Variants in SDCCAG8 observed in about 807,000 individuals in gnomAD.
SDCCAG8 encodes the protein SHH signaling and ciliogenesis regulator SDCCAG8, also known as serologically defined colon cancer antigen 8.
In SDCCAG8, 74 loss-of-function variants were observed where a neutral mutation model predicts 101.8. The ratio of observed to expected loss-of-function variants is 0.73; its 90% confidence interval spans 0.60 to 0.88. The LOEUF is 0.88. Ranked by LOEUF, SDCCAG8 falls within the 40% of genes least tolerant of loss-of-function variation. The pLI, the probability that SDCCAG8 is intolerant of heterozygous loss-of-function variation, is 0.00. For synonymous variants in SDCCAG8, 281 were observed against 292.9 expected (o/e 0.96, Z 0.41); for missense variants, 787 against 822.6 (o/e 0.96, Z 0.53).
chr1:243,295,548 C>T (rs1337298751), intron 6 of SDCCAG8, among the ~76,000 whole-genome samples: 2 of 152,108 alleles, frequency 1.3e-5, no homozygotes, highest in Admixed American at 6.6e-5. Context: ...ACTCTTCTCC[C>T]GTCACTCTTA....
At chr1:243,452,981 G>A (rs970074874) in intron 16 of SDCCAG8, among the ~76,000 whole-genome samples, 3 of 152,168 alleles carry the variant, frequency 2.0e-5, no homozygotes, top group East Asian at 1.9e-4. Flanking sequence ...GACTTCATCC[G>A]TCTTGTTCAT....
intron 4 of SDCCAG8, among the ~76,000 whole-genome samples, chr1:243,281,474 CT>C (rs780597039): frequency 6.6e-6 from 1 of 150,742 alleles, no homozygotes; most frequent in Non-Finnish European, 1.5e-5. Flanking sequence ...GTTTATTGTT[CT>C]TTTTTTTAAC....
intron 8 of SDCCAG8, among the ~76,000 whole-genome samples, chr1:243,309,113 T>G (rs2072458850): frequency 6.6e-6 from 1 of 152,228 alleles, no homozygotes; most frequent in South Asian, 2.1e-4. Flanking sequence ...TTCTGTTGTT[T>G]GGAGGAAAAT....
At chr1:243,294,506 C>CGAGAGAGAGAGAGAGAGAGAGAAA in intron 6 of SDCCAG8, among the ~76,000 whole-genome samples, 1 of 105,934 alleles carries the variant, frequency 9.4e-6, no homozygotes, top group East Asian at 3.7e-4. Context: ...AGAGAAAGAG[C>CGAGAGAGAGAGAGAGAGAGAGAAA]GAGAGAGAGA....
At chr1:243,310,402 C>T (rs2072609316) in intron 8 of SDCCAG8, among the ~76,000 whole-genome samples, 1 of 151,892 alleles carries the variant, frequency 6.6e-6, no homozygotes, top group Non-Finnish European at 1.5e-5. Context: ...TATTATTACC[C>T]CCGTTTTATA....
At chr1:243,290,755 T>C (rs1305838386) in intron 5 of SDCCAG8, among the ~76,000 whole-genome samples, 1 of 152,236 alleles carries the variant, frequency 6.6e-6, no homozygotes, top group East Asian at 1.9e-4. Context: ...TCCTTCAAGA[T>C]ACCACACCAG....
chr1:243,315,324 A>G (rs2073142486), intron 8 of SDCCAG8, among the ~76,000 whole-genome samples: 1 of 152,216 alleles, frequency 6.6e-6, no homozygotes. Context: ...CTTAACTAGG[A>G]TAATTTAATC....
At chr1:243,306,763 G>T (rs1210217139) in intron 7 of SDCCAG8, among the ~76,000 whole-genome samples, 1 of 152,058 alleles carries the variant, frequency 6.6e-6, no homozygotes, top group Non-Finnish European at 1.5e-5. Flanking sequence ...TGGGGATAGG[G>T]TAGACGCAGC....
intron 10 of SDCCAG8, chr1:243,338,881 C>T (rs1255064775): frequency 1.3e-5 from 2 of 152,538 alleles, no homozygotes; most frequent in East Asian, 3.8e-4. Context: ...TGTGTTACTT[C>T]TGGCTCTGCA....
chr1:243,336,283 C>G (rs1325033182), intron 10 of SDCCAG8, among the ~76,000 whole-genome samples: 1 of 152,162 alleles, frequency 6.6e-6, no homozygotes, highest in Non-Finnish European at 1.5e-5. Flanking sequence ...TCTGCATGGT[C>G]TGTTGTTTTT....
Position 243,378,741 on chromosome 1 carries a change from A to G in SDCCAG8, c.1494A>G (p.Ile498Met). ...IKDQEIEKLR[I>M]ELDESKQHLE... is the part of the protein sequence containing the mutation. ...CTAAGGAAATAGAGAAATTGAGAATAGAACTGGATGAAAGCAAACAACACT... is the reference window on the plus strand; with the variant it reads ...CTAAGGAAATAGAGAAATTGAGAATGGAACTGGATGAAAGCAAACAACACT... The change falls in exon 13 of 18, where the codon ATA becomes ATG. Residue 498 changes from isoleucine (I) to methionine (M), a missense_variant. Physicochemically the swap from Ile to Met is conservative, Grantham distance 10. Transcript: ENST00000366541. 1 of 1,614,086 alleles carries G rather than the reference A, an allele frequency of 6.2e-7. No homozygotes were observed. Among genetic ancestry groups the G allele is most frequent in the South Asian group, 1.1e-5 (1 of 91,080 alleles).
intron 15 of SDCCAG8, among the ~76,000 whole-genome samples, chr1:243,421,588 G>A (rs1447235596): frequency 6.6e-6 from 1 of 152,210 alleles, no homozygotes; most frequent in Non-Finnish European, 1.5e-5. Flanking sequence ...ACTGCACGTA[G>A]TGGTGTCTGT....
At position 243,499,711 on chromosome 1, in the gene SDCCAG8, G is replaced by A. The variant is rs373319050; in HGVS notation, c.2113-45G>A. On this transcript the variant is annotated intron_variant, in intron 17 of 17. Transcript: ENST00000366541. ...AGCAAATGAGAAGACAAATAACATT[G>A]AAGAACATGAGCTATTGAAACTTAC... The A allele has an allele frequency of 1.7e-5, 24 of 1,453,268 alleles. No individual in the cohort carries two copies. In the African/African-American group the frequency reaches 2.8e-4, roughly 17 times the overall value. The allele number at this position is 1,453,268 out of a possible 1,614,324, so 90.0% of individuals were successfully genotyped here. A position where few individuals can be genotyped will look rare whatever the true frequency, so the allele number is the denominator to read the frequency against.
intron 4 of SDCCAG8, among the ~76,000 whole-genome samples, chr1:243,281,894 C>T (rs1407939772): frequency 6.6e-6 from 1 of 152,192 alleles, no homozygotes; most frequent in Non-Finnish European, 1.5e-5. Context: ...GATCCTCCCA[C>T]CTCAGCCTTC....
chr1:243,353,667 C>G (rs981052932), intron 12 of SDCCAG8, among the ~76,000 whole-genome samples: 3 of 152,020 alleles, frequency 2.0e-5, no homozygotes, highest in Non-Finnish European at 4.4e-5. Flanking sequence ...TTTTGTATAA[C>G]TGACCTCCAT....
chr1:243,406,742 G>A (rs1441387437), intron 13 of SDCCAG8, among the ~76,000 whole-genome samples: 1 of 152,102 alleles, frequency 6.6e-6, no homozygotes, highest in Non-Finnish European at 1.5e-5. Flanking sequence ...ACTGTGCGCT[G>A]CTGCCCCACA....
intron 1 of SDCCAG8, among the ~76,000 whole-genome samples, chr1:243,256,563 C>T (rs1041561267): frequency 6.6e-6 from 1 of 152,166 alleles, no homozygotes; most frequent in African/African-American, 2.4e-5. Context: ...CTATTTAATC[C>T]AATAAAAGTC....
At chr1:243,422,792 T>C (rs2081094938) in intron 15 of SDCCAG8, among the ~76,000 whole-genome samples, 2 of 152,242 alleles carry the variant, frequency 1.3e-5, no homozygotes, top group South Asian at 4.1e-4. Context: ...ATCATTTTAA[T>C]CCGAATTATA....
chr1:243,279,787 T>C (rs1471855639), intron 4 of SDCCAG8, among the ~76,000 whole-genome samples: 1 of 152,204 alleles, frequency 6.6e-6, no homozygotes, highest in Non-Finnish European at 1.5e-5. Flanking sequence ...TTTTTTACAT[T>C]GTTGGATTTG....
Sources: gnomAD v4.1 joint callset for allele counts (sites outside exome capture counted in the v4.1 genomes callset) on GRCh38, gnomAD v4.1.1 for gene constraint, MANE v1.5 for transcripts, NCBI Gene and HGNC (gene_info 2026-07-23, HGNC 2026-07-21) for gene names.